CYP2B6: variants seen among roughly 807,000 people sequenced by gnomAD.
CYP2B6 encodes cytochrome P450 family 2 subfamily B member 6.
CYP2B6 carries 35 observed loss-of-function variants against 43.4 expected under a neutral mutation model. The observed-to-expected ratio is 0.81, with a 90% confidence interval of 0.62 to 1.07. The LOEUF (loss-of-function observed/expected upper bound fraction) is 1.07, where lower values mean the gene tolerates loss of function less well. Ranked by LOEUF, CYP2B6 falls within the 50% of genes least tolerant of loss-of-function variation. The pLI is 0.00. For missense variants in CYP2B6, 624 were observed against 632.8 expected, an observed-to-expected ratio of 0.99 and a Z score of 0.15; for synonymous variants, 239 against 239.2, an observed-to-expected ratio of 1.00 and a Z score of 0.01.
At chr19:40,995,695 A>C (rs1490313044) in intron 1 of CYP2B6, among the ~76,000 whole-genome samples, 1 of 152,222 alleles carries the variant, frequency 6.6e-6, no homozygotes, top group Non-Finnish European at 1.5e-5. Context: ...ATTTTACAAG[A>C]GATCTATCTA....
At chr19:41,013,173 C>T (rs1969311187) in intron 8 of CYP2B6, 2 of 266,120 alleles carry the variant, frequency 7.5e-6, no homozygotes, top group East Asian at 9.3e-5. Context: ...GGGTTCCTGC[C>T]CCAGGAAATT....
At chr19:41,006,325 A>ATT (rs35039672) in intron 3 of CYP2B6, among the ~76,000 whole-genome samples, 38,969 of 118,460 alleles carry the variant, frequency 0.33, 7,616 homozygotes, top group East Asian at 0.44. Context: ...GTCTAGCTAC[A>ATT]TTTTTTTTTT....
chr19:41,014,534 T>C (rs948450520), intron 8 of CYP2B6, among the ~76,000 whole-genome samples: 6 of 152,146 alleles, frequency 3.9e-5, no homozygotes, highest in African/African-American at 1.4e-4. Flanking sequence ...GCTGATCTTC[T>C]GACCTTGTGA....
At chr19:41,015,126 A>T (rs1969341764) in intron 8 of CYP2B6, among the ~76,000 whole-genome samples, 1 of 152,238 alleles carries the variant, frequency 6.6e-6, no homozygotes, top group African/African-American at 2.4e-5. Context: ...AGGTATAGAC[A>T]GAGAAAAAGA....
At chr19:40,993,380 G>T (rs1462054072) in intron 1 of CYP2B6, among the ~76,000 whole-genome samples, 1 of 152,090 alleles carries the variant, frequency 6.6e-6, no homozygotes, top group Non-Finnish European at 1.5e-5. Context: ...ACAATTCATG[G>T]CAAAAGGTGA....
chr19:41,014,542 T>C (rs1420362539), intron 8 of CYP2B6, among the ~76,000 whole-genome samples: 10 of 152,088 alleles, frequency 6.6e-5, no homozygotes, highest in Non-Finnish European at 1.5e-4. Flanking sequence ...TCTGACCTTG[T>C]GATATGCCCA....
At chr19:41,010,604 G>A (rs1453785550) in intron 6 of CYP2B6, among the ~76,000 whole-genome samples, 1 of 151,782 alleles carries the variant, frequency 6.6e-6, no homozygotes, top group African/African-American at 2.4e-5. Flanking sequence ...TAGTAGAGAT[G>A]GGGTTTAACC....
chr19:41,007,426 G>T, intron 4 of CYP2B6: 1 of 264,574 alleles, frequency 3.8e-6, no homozygotes, highest in Non-Finnish European at 7.3e-6. Context: ...ATAAGGCTTT[G>T]GGCTTCATGT....
intron 1 of CYP2B6, among the ~76,000 whole-genome samples, chr19:40,997,721 A>G (rs996285111): frequency 1.3e-5 from 2 of 152,088 alleles, no homozygotes; most frequent in African/African-American, 4.8e-5. Context: ...ATTATGAAAC[A>G]TTTAGATTTT....
intron 5 of CYP2B6, chr19:41,009,652 A>G: frequency 1.6e-6 from 1 of 611,002 alleles, no homozygotes; most frequent in Non-Finnish European, 2.9e-6. Context: ...ACAGAGGGAG[A>G]GAGAGAGAAG....
chr19:41,009,363 C>A lies in CYP2B6; in HGVS notation c.790C>A (p.Leu264Ile), dbSNP rs968750756. Residue 264 changes from leucine (L) to isoleucine (I), a missense_variant, in exon 5 of 9, where the codon CTC becomes ATC. By Grantham distance (5) the Leu-to-Ile change is conservative. Transcript: ENST00000324071. ...ETLDPSAPKD[L>I]IDTYLLHMEK... ...CCTGGACCCCAGCGCCCCCAAGGAC[C>A]TCATCGACACCTACCTGCTCCACAT... 7 of 1,577,548 alleles carry A rather than the reference C, an allele frequency of 4.4e-6. No individual in the cohort carries two copies. Among genetic ancestry groups the A allele is most frequent in the African/African-American group, 1.4e-5 (1 of 72,576 alleles).
intron 3 of CYP2B6, among the ~76,000 whole-genome samples, chr19:41,005,924 C>T (rs1488323598): frequency 6.6e-6 from 1 of 151,626 alleles, no homozygotes; most frequent in Non-Finnish European, 1.5e-5. Context: ...AGGAAAAGGT[C>T]TGCAGAGGAA....
chr19:40,997,567 A>G (rs1969016499), intron 1 of CYP2B6, among the ~76,000 whole-genome samples: 1 of 152,186 alleles, frequency 6.6e-6, no homozygotes, highest in African/African-American at 2.4e-5. Flanking sequence ...GACAGAATAC[A>G]TGGACATACA....
chr19:41,016,824 C>T lies in CYP2B6; in HGVS notation c.1473C>T (p.Arg491=). ...PPTYQIRFLP[R] is the part of the protein sequence containing the mutation. ...CATACCAGATCCGCTTCCTGCCCCGCTGAAGGGGCTGAGGGAAGGGGGTCA... is the reference window on the plus strand; with the variant it reads ...CATACCAGATCCGCTTCCTGCCCCGTTGAAGGGGCTGAGGGAAGGGGGTCA... Residue 491 remains arginine (R), a synonymous_variant, in exon 9 of 9, where the codon CGC becomes CGT. Transcript: ENST00000324071. 1 of 1,613,722 alleles carries T rather than the reference C, an allele frequency of 6.2e-7. No individual in the cohort carries two copies. Among genetic ancestry groups the T allele is most frequent in the Non-Finnish European group, 8.5e-7 (1 of 1,179,770 alleles).
chr19:41,008,839 A>AT (rs1300077635), intron 4 of CYP2B6, among the ~76,000 whole-genome samples: 1 of 152,144 alleles, frequency 6.6e-6, no homozygotes, highest in African/African-American at 2.4e-5. Context: ...CATTTTATTA[A>AT]TATCTGACAC....
chr19:41,010,790 C>T (rs1260188802), intron 6 of CYP2B6, among the ~76,000 whole-genome samples: 4 of 152,128 alleles, frequency 2.6e-5, no homozygotes, highest in South Asian at 2.1e-4. Context: ...ATTCACCCCC[C>T]TTCTGCTCCC....
Position 41,012,414 on chromosome 19 carries a change from G to A in CYP2B6, c.1081G>A (p.Asp361Asn), listed in dbSNP as rs375020909. ...CATCTATGAGATTCAGAGATTTTCC[G>A]ACCTTCTCCCCATGGGTGTGCCCCA... ...AVIYEIQRFSDLLPMGVPHIV... is the reference protein window; with the variant it reads ...AVIYEIQRFSNLLPMGVPHIV... The change falls in exon 7 of 9, where the codon GAC (aspartate) becomes AAC (asparagine). Residue 361 changes from aspartate to asparagine, a missense_variant. Coordinates refer to ENST00000324071, the MANE Select transcript of CYP2B6 (RefSeq NM_000767.5). 3.5e-5 allele frequency: 57 copies of A among 1,613,836 alleles called. No individual in the cohort carries two copies. Among genetic ancestry groups the A allele is most frequent in the African/African-American group, 3.2e-4 (24 of 74,838 alleles).
At chr19:40,994,807 G>C (rs895054732) in intron 1 of CYP2B6, among the ~76,000 whole-genome samples, 1 of 152,032 alleles carries the variant, frequency 6.6e-6, no homozygotes, top group South Asian at 2.1e-4. Context: ...ATGTTATTAC[G>C]TACTGTTATT....
In CYP2B6 at chr19:40,996,686, T is replaced by C. The variant is rs145504530; in HGVS notation, c.171+5210T>C. ...ATCATTTTCTCTCTTCTATGATGAG[T>C]CATGGAATACGGAGCTTTTAGTAAT... On this transcript the variant is annotated intron_variant, in intron 1 of 8. Coordinates refer to ENST00000324071, the MANE Select transcript of CYP2B6 (RefSeq NM_000767.5). Among the ~76,000 whole-genome samples, 1,178 of 152,184 alleles carry C rather than the reference T, an allele frequency of 7.7e-3. 12 individuals are homozygous for C. The highest frequency in any genetic ancestry group is 0.034 in the Middle Eastern group (10 of 294).
Sources: allele counts gnomAD v4.1 joint callset (sites outside exome capture counted in the v4.1 genomes callset), GRCh38; gene constraint gnomAD v4.1.1; transcripts MANE v1.5; gene names NCBI Gene and HGNC (gene_info 2026-07-23, HGNC 2026-07-21).